The following PXYLP1 variants were observed in gnomAD, a reference collection of about 807,000 sequenced individuals.
PXYLP1 encodes the protein 2-phosphoxylose phosphatase 1.
In PXYLP1, 17 loss-of-function variants were observed where a neutral mutation model predicts 37.9. That is an observed-to-expected ratio of 0.45 (90% CI 0.31 to 0.67). PXYLP1 has a LOEUF of 0.67. Ranked by LOEUF, PXYLP1 falls within the 30% of genes least tolerant of loss-of-function variation. PXYLP1 has a pLI of 0.07. For synonymous variants in PXYLP1, 221 were observed against 232.2 expected, an observed-to-expected ratio of 0.95 and a Z score of 0.44; for missense variants, 511 against 612.0, an observed-to-expected ratio of 0.84 and a Z score of 1.74.
chr3:141,238,461 A>T (rs1158569086), intron 1 of PXYLP1, among the ~76,000 whole-genome samples: 1 of 152,182 alleles, frequency 6.6e-6, no homozygotes, highest in African/African-American at 2.4e-5. Context: ...GCCTCGTTTG[A>T]GCGTGATTAG....
intron 4 of PXYLP1, among the ~76,000 whole-genome samples, chr3:141,280,271 C>A (rs1941916922): frequency 6.6e-6 from 1 of 152,230 alleles, no homozygotes; most frequent in Non-Finnish European, 1.5e-5. Context: ...TGCCAGCCTG[C>A]CCCGGGAGGG....
chr3:141,269,978 G>A (rs1941620742), intron 2 of PXYLP1, among the ~76,000 whole-genome samples: 1 of 152,260 alleles, frequency 6.6e-6, no homozygotes, highest in African/African-American at 2.4e-5. Context: ...CAAGCAATGG[G>A]TGGACTTAGG....
intron 2 of PXYLP1, among the ~76,000 whole-genome samples, chr3:141,260,628 G>A (rs1941373080): frequency 6.6e-6 from 1 of 152,196 alleles, no homozygotes; most frequent in Non-Finnish European, 1.5e-5. Flanking sequence ...CAGCCGCGGG[G>A]CTGGAGTTGT....
intron 1 of PXYLP1, among the ~76,000 whole-genome samples, chr3:141,237,513 G>T (rs2107864943): frequency 6.6e-6 from 1 of 152,282 alleles, no homozygotes; most frequent in South Asian, 2.1e-4. Flanking sequence ...TTCCTTATTT[G>T]TAAAATTTGG....
intron 1 of PXYLP1, among the ~76,000 whole-genome samples, chr3:141,249,852 CTGAAGCGTACATAAAAG>C (rs769134026): frequency 1.8e-4 from 27 of 152,118 alleles, no homozygotes; most frequent in Middle Eastern, 6.8e-3. Context: ...ATAATAATAA[CTGAAGCGTACATAAAAG>C]TGAAAATCCT....
intron 1 of PXYLP1, among the ~76,000 whole-genome samples, chr3:141,240,252 A>T (rs924502238): frequency 6.6e-6 from 1 of 152,208 alleles, no homozygotes; most frequent in African/African-American, 2.4e-5. Context: ...GGGCCATGTG[A>T]GTGTGTAGTG....
chr3:141,271,008 A>C (rs1319995119), intron 2 of PXYLP1, among the ~76,000 whole-genome samples: 2 of 152,198 alleles, frequency 1.3e-5, no homozygotes, highest in Non-Finnish European at 2.9e-5. Context: ...CTCCTGCCTC[A>C]GTCCCCTGAG....
chr3:141,250,287 G>A (rs1215062252), intron 1 of PXYLP1, among the ~76,000 whole-genome samples: 2 of 152,160 alleles, frequency 1.3e-5, no homozygotes, highest in African/African-American at 4.8e-5. Context: ...TTTGATTATT[G>A]GATCTGAAAA....
chr3:141,267,154 TC>T (rs1433644818), intron 2 of PXYLP1, among the ~76,000 whole-genome samples: 4 of 152,188 alleles, frequency 2.6e-5, no homozygotes, highest in African/African-American at 9.7e-5. Flanking sequence ...GGGAGCCACG[TC>T]CTGCCACACA....
chr3:141,272,736 G>A (rs1404601528), intron 2 of PXYLP1: 1 of 136,180 alleles, frequency 7.3e-6, no homozygotes, highest in Non-Finnish European at 1.5e-5. Flanking sequence ...ATCCAGCATG[G>A]GAGAAAGATG....
At chr3:141,281,884 T>G (rs1941964661) in intron 4 of PXYLP1, among the ~76,000 whole-genome samples, 1 of 151,984 alleles carries the variant, frequency 6.6e-6, no homozygotes, top group African/African-American at 2.4e-5. Flanking sequence ...AGTGGAAAAC[T>G]GGGTAGGAAC....
chr3:141,260,623 G>A (rs982530261), intron 2 of PXYLP1, among the ~76,000 whole-genome samples: 11 of 152,178 alleles, frequency 7.2e-5, no homozygotes, highest in Non-Finnish European at 1.2e-4. Context: ...TCAGTCAGCC[G>A]CGGGGCTGGA....
At chr3:141,256,309 G>A (rs1576584704) in intron 1 of PXYLP1, among the ~76,000 whole-genome samples, 1 of 152,184 alleles carries the variant, frequency 6.6e-6, no homozygotes, top group Non-Finnish European at 1.5e-5. Flanking sequence ...CTGCAGCTCA[G>A]AGAGGTGGAG....
intron 2 of PXYLP1, among the ~76,000 whole-genome samples, chr3:141,275,148 C>A (rs1278629092): frequency 2.0e-5 from 3 of 152,196 alleles, no homozygotes; most frequent in African/African-American, 7.2e-5. Context: ...ACACTCTGAA[C>A]TAGTAGACAC....
At chr3:141,263,096 A>G (rs1256514521) in intron 2 of PXYLP1, among the ~76,000 whole-genome samples, 3 of 152,206 alleles carry the variant, frequency 2.0e-5, no homozygotes, top group Admixed American at 6.5e-5. Context: ...TGATGTTTTG[A>G]ATGTGAAGAA....
rs745476362 is a variant in PXYLP1 at position 141,292,308 on chromosome 3, T to C, written c.546T>C (p.Asp182=). ...QHLQNGQLLR[D]IYLKKHKLLP... Reference sequence around the variant, plus strand: ...TGCAGAACGGTCAGCTGCTGAGGGATATCTATCTAAAGAAACACAAACTCC... The same window carrying C: ...TGCAGAACGGTCAGCTGCTGAGGGACATCTATCTAAAGAAACACAAACTCC... The change falls in exon 6 of 6, where the codon GAT becomes GAC. Residue 182 remains aspartate (D), a synonymous_variant. Transcript: ENST00000286353. The surrounding 1 kb of genome is among the most constrained non-coding windows in gnomAD (Gnocchi z 4.3). 6 of 1,610,738 alleles carry C rather than the reference T, an allele frequency of 3.7e-6. No individual in the cohort carries two copies. Among genetic ancestry groups the C allele is most frequent in the South Asian group, 2.2e-5 (2 of 90,646 alleles).
intron 1 of PXYLP1, among the ~76,000 whole-genome samples, chr3:141,240,152 C>T (rs1940760309): frequency 6.6e-6 from 1 of 152,194 alleles, no homozygotes; most frequent in African/African-American, 2.4e-5. Flanking sequence ...CTTGGCCTTT[C>T]CTTCATGATG....
chr3:141,254,216 C>G (rs1320318244), intron 1 of PXYLP1, among the ~76,000 whole-genome samples: 1 of 152,168 alleles, frequency 6.6e-6, no homozygotes, highest in Non-Finnish European at 1.5e-5. Context: ...CCCGGCCCCT[C>G]TGGAATATTT....
At chr3:141,281,773 A>G (rs1227950295) in intron 4 of PXYLP1, among the ~76,000 whole-genome samples, 1 of 152,088 alleles carries the variant, frequency 6.6e-6, no homozygotes, top group Non-Finnish European at 1.5e-5. Flanking sequence ...GGTGAGACCA[A>G]CCCATGCAGT....
Sources: gnomAD v4.1 joint callset for allele counts (sites outside exome capture counted in the v4.1 genomes callset) on GRCh38, gnomAD v4.1.1 for gene constraint, Gnocchi (gnomAD v3.1) non-coding constraint, MANE v1.5 for transcripts, NCBI Gene and HGNC (gene_info 2026-07-23, HGNC 2026-07-21) for gene names.